VPS35L: variants seen among roughly 807,000 people sequenced by gnomAD.
VPS35L encodes the protein VPS35 endosomal protein-sorting factor-like.
Under a neutral mutation model 133.0 loss-of-function variants are expected in VPS35L, and 83 were observed. The observed-to-expected ratio is 0.62, with a 90% CI of 0.52 to 0.75. VPS35L has a LOEUF of 0.75. Among genes scored for constraint, VPS35L ranks in the 30% least tolerant of loss-of-function variants. The probability of loss-of-function intolerance (pLI) is 0.00; values close to 1 mark genes in which losing one functional copy is unlikely to be tolerated. For synonymous variants in VPS35L, 423 were observed against 449.9 expected, an observed-to-expected ratio of 0.94 and a Z score of 0.76; for missense variants, 1,083 against 1,206.8, an observed-to-expected ratio of 0.90 and a Z score of 1.52.
At position 19,701,081 on chromosome 16, in the gene VPS35L, GT is replaced by G. The variant is rs1460902378; in HGVS notation, c.*606del. The G allele has an allele frequency of 6.6e-6, 1 of 152,438 alleles. No homozygotes were observed. The highest frequency in any genetic ancestry group is 2.4e-5 in the African/African-American group (1 of 41,450). The allele number at this position is 152,438 out of a possible 1,614,324, so 9.4% of individuals were successfully genotyped here. ...AGCGAGGTCAAATTTGAGATTCTCTGTGGCTTCAGTATACAGTAACTGAATA... is the reference window on the plus strand; with the variant it reads ...AGCGAGGTCAAATTTGAGATTCTCTGGGCTTCAGTATACAGTAACTGAATA... On this transcript the variant is annotated 3_prime_UTR_variant, in exon 31 of 31. Transcript: ENST00000417362.
chr16:19,555,791 A>T, intron 1 of VPS35L, 45 bp downstream of exon 1: 1 of 1,534,474 alleles, frequency 6.5e-7, no homozygotes. Flanking sequence ...GGCTGTCCTT[A>T]CTTGTGATGG....
intron 23 of VPS35L, among the ~76,000 whole-genome samples, chr16:19,646,287 T>C (rs554466303): frequency 1.3e-5 from 2 of 152,252 alleles, no homozygotes; most frequent in African/African-American, 4.8e-5. Flanking sequence ...TCTCAGTCAG[T>C]GATTCCAGTT....
rs186960673 is a variant in VPS35L at position 19,684,932 on chromosome 16, C to T, written c.2527+2542C>T. Among the ~76,000 whole-genome samples, 290 of 152,106 alleles carry T rather than the reference C, an allele frequency of 1.9e-3. 1 individual carries two copies. Among genetic ancestry groups the T allele is most frequent in the African/African-American group, 6.8e-3 (281 of 41,506 alleles). ...AAATTAGCCAGGCTGTTGGCAAGCG[C>T]CTATAATCCCAGCTACTTGGATGGC... On this transcript the variant is annotated intron_variant, in intron 28 of 30. Transcript: ENST00000417362.
Position 19,616,759 on chromosome 16 carries a change from C to T in VPS35L, c.1175C>T (p.Pro392Leu), listed in dbSNP as rs758605113. ...VELPSYLPLY[P>L]PAMDWIFQCI... is the part of the protein sequence containing the mutation. Reference sequence around the variant, plus strand: ...CTCCCATCTTACCTCCCCTTGTACCCGCCTGCCATGGACTGGATCTTCCAG... The same window carrying T: ...CTCCCATCTTACCTCCCCTTGTACCTGCCTGCCATGGACTGGATCTTCCAG... The change falls in exon 14 of 31, where the codon CCG becomes CTG. Residue 392 changes from proline (P) to leucine (L), a missense_variant. By Grantham distance (98) the Pro-to-Leu change is moderately conservative. Coordinates refer to ENST00000417362, the MANE Select transcript of VPS35L (RefSeq NM_020314.7). The T allele has an allele frequency of 1.1e-5, 18 of 1,614,028 alleles. No homozygotes were observed. Among genetic ancestry groups the T allele is most frequent in the Admixed American group, 5.0e-5 (3 of 59,996 alleles).
chr16:19,622,658 G>A (rs1302157102), intron 14 of VPS35L, among the ~76,000 whole-genome samples: 1 of 152,142 alleles, frequency 6.6e-6, no homozygotes, highest in Non-Finnish European at 1.5e-5. Context: ...CGTTAGGTAG[G>A]CGTTGAATGA....
At chr16:19,571,074 T>C (rs1971369118) in intron 3 of VPS35L, among the ~76,000 whole-genome samples, 1 of 151,156 alleles carries the variant, frequency 6.6e-6, no homozygotes, top group African/African-American at 2.4e-5. Flanking sequence ...GGTTTCACTA[T>C]ATTGGCCAGG....
intron 22 of VPS35L, among the ~76,000 whole-genome samples, 183 bp downstream of exon 22, chr16:19,642,659 T>C (rs1973822327): frequency 6.6e-6 from 1 of 152,204 alleles, no homozygotes. Flanking sequence ...TTAACCTTCT[T>C]GAGAAAGCGA....
chr16:19,609,977 A>C (rs1208311561), intron 11 of VPS35L, among the ~76,000 whole-genome samples: 1 of 152,194 alleles, frequency 6.6e-6, no homozygotes, highest in Non-Finnish European at 1.5e-5. Flanking sequence ...ATACATGTGG[A>C]GAGAAGATCA....
chr16:19,663,142 T>A (rs1974541991), intron 26 of VPS35L, among the ~76,000 whole-genome samples: 1 of 151,840 alleles, frequency 6.6e-6, no homozygotes, highest in Non-Finnish European at 1.5e-5. Flanking sequence ...AAGCCCCGTC[T>A]CTACTAAATA....
At chr16:19,623,390 G>C (rs1244329550) in intron 14 of VPS35L, among the ~76,000 whole-genome samples, 2 of 152,116 alleles carry the variant, frequency 1.3e-5, no homozygotes, top group African/African-American at 4.8e-5. Context: ...CATCCTTGCT[G>C]TCTCTTCCTA....
At chr16:19,571,139 G>A (rs1567389200) in intron 3 of VPS35L, among the ~76,000 whole-genome samples, 1 of 151,830 alleles carries the variant, frequency 6.6e-6, no homozygotes, top group Non-Finnish European at 1.5e-5. Context: ...CCAAAGTGCT[G>A]CAATTACAGG....
intron 28 of VPS35L, among the ~76,000 whole-genome samples, chr16:19,684,154 G>A (rs760815073): frequency 2.0e-5 from 3 of 152,126 alleles, no homozygotes; most frequent in Non-Finnish European, 4.4e-5. Flanking sequence ...TTGATCACCT[G>A]CTACCAGACA....
At chr16:19,642,962 C>T (rs77993813) in intron 22 of VPS35L, among the ~76,000 whole-genome samples, 3,626 of 152,232 alleles carry the variant, frequency 0.024, 87 homozygotes, top group African/African-American at 0.056. Context: ...AATATGTTTT[C>T]GTTTGACTGT....
Position 19,640,048 on chromosome 16 carries a change from A to G in VPS35L, c.1732A>G (p.Lys578Glu). 1 of 1,614,214 alleles carries G rather than the reference A, an allele frequency of 6.2e-7. No individual in the cohort carries two copies. Among genetic ancestry groups the G allele is most frequent in the Admixed American group, 1.7e-5 (1 of 60,028 alleles). ...KFLPFLDMFQ[K>E]ESVRVEVCKC... is the part of the protein sequence containing the mutation. ...TCTGCCGTTTCTGGACATGTTCCAA[A>G]AAGAGAGTGTGCGGGTGGAGGTTTG... is the stretch of plus-strand genomic sequence containing the variant. Residue 578 changes from lysine to glutamate, a missense_variant, in exon 21 of 31, where the codon AAA (lysine) becomes GAA (glutamate). Physicochemically the swap from Lys to Glu is moderately conservative, Grantham distance 56. Transcript: ENST00000417362.
intron 7 of VPS35L, among the ~76,000 whole-genome samples, chr16:19,590,005 C>T (rs226866): frequency 0.66 from 100,277 of 151,976 alleles, 33,329 homozygotes; most frequent in Middle Eastern, 0.76. Context: ...ATGGGGGCAG[C>T]TGTTTAAGTT....
At chr16:19,670,098 T>A (rs1041592440) in intron 27 of VPS35L, among the ~76,000 whole-genome samples, 1 of 152,178 alleles carries the variant, frequency 6.6e-6, no homozygotes, top group South Asian at 2.1e-4. Context: ...CCTGAGCAGC[T>A]GGGACTGCAG....
intron 9 of VPS35L, 183 bp from the exon 10 acceptor site, chr16:19,607,989 GGCACTT>G (rs1333258800): frequency 5.2e-6 from 3 of 580,242 alleles, no homozygotes; most frequent in Admixed American, 3.0e-5. Flanking sequence ...AACGACACTT[GGCACTT>G]AGAAAGCCTG....
chr16:19,596,459 G>A (rs1468242297), intron 8 of VPS35L, among the ~76,000 whole-genome samples: 1 of 144,982 alleles, frequency 6.9e-6, no homozygotes, highest in Admixed American at 6.9e-5. Context: ...TTTTTTTTTA[G>A]CAATGGGATC....
chr16:19,627,812 T>C lies in VPS35L; in HGVS notation c.1383+7T>C. The C allele has an allele frequency of 6.3e-7, 1 of 1,585,248 alleles. No individual in the cohort carries two copies. Among genetic ancestry groups the C allele is most frequent in the Non-Finnish European group, 8.7e-7 (1 of 1,153,724 alleles). ...TGAATCTGGTTTCCCCAAGGTAGGC[T>C]CTTGACTTCATGCTCAGTAGGACAC... On this transcript the variant is annotated splice_region_variant and intron_variant, in intron 16 of 30. Coordinates refer to ENST00000417362, the MANE Select transcript of VPS35L (RefSeq NM_020314.7).
Sources: gnomAD v4.1 joint callset for allele counts (sites outside exome capture counted in the v4.1 genomes callset) on GRCh38, gnomAD v4.1.1 for gene constraint, MANE v1.5 for transcripts, NCBI Gene and HGNC (gene_info 2026-07-23, HGNC 2026-07-21) for gene names.